Variants in XKR6 observed in about 807,000 individuals in gnomAD.
XKR6 encodes the protein XK-related protein 6.
XKR6 carries 22 observed loss-of-function variants against 56.7 expected under a neutral mutation model. The observed-to-expected ratio is 0.39, with a 90% CI of 0.28 to 0.55. XKR6 has a LOEUF of 0.55. XKR6 is among the 20% of genes least tolerant of loss of function. The probability of loss-of-function intolerance (pLI) is 0.66; values close to 1 mark genes in which losing one functional copy is unlikely to be tolerated. For missense variants in XKR6, 852 were observed against 889.0 expected (o/e 0.96, Z 0.53); for synonymous variants, 524 against 387.8 (o/e 1.35, Z -4.13).
chr8:10,957,392 C>T (rs1036945693), intron 1 of XKR6, among the ~76,000 whole-genome samples: 1 of 152,160 alleles, frequency 6.6e-6, no homozygotes, highest in Non-Finnish European at 1.5e-5. Context: ...TTGGAACACC[C>T]CATTCCCTTC....
At chr8:11,077,747 G>A (rs778094060) in intron 1 of XKR6, among the ~76,000 whole-genome samples, 2 of 152,206 alleles carry the variant, frequency 1.3e-5, no homozygotes, top group South Asian at 2.1e-4. Flanking sequence ...CTTCCCAGCT[G>A]CAAGAATGCA....
At chr8:10,915,742 C>G (rs942910969) in intron 2 of XKR6, among the ~76,000 whole-genome samples, 2 of 152,176 alleles carry the variant, frequency 1.3e-5, no homozygotes, top group African/African-American at 4.8e-5. Flanking sequence ...CAAGCAGATT[C>G]CAAATGGCAT....
At position 11,201,343 on chromosome 8, in the gene XKR6, G is replaced by T; in HGVS notation, c.-4C>A. The T allele has an allele frequency of 7.7e-7, 1 of 1,293,958 alleles. No individual in the cohort carries two copies. The highest frequency in any genetic ancestry group is 1.0e-6 in the Non-Finnish European group (1 of 985,484). The allele number at this position is 1,293,958 out of a possible 1,614,324, so 80.2% of individuals were successfully genotyped here. A position where few individuals can be genotyped will look rare whatever the true frequency, so the allele number is the denominator to read the frequency against. ...CGCCATCGGATTTCGCCGCCATCTT[G>T]ACTCTCTTCCCAGCTCCGGAGGTTG... On this transcript the variant is annotated 5_prime_UTR_variant, in exon 1 of 3. Transcript: ENST00000416569.
chr8:10,905,386 C>T (rs1409719019), intron 2 of XKR6, among the ~76,000 whole-genome samples: 2 of 152,188 alleles, frequency 1.3e-5, no homozygotes, highest in East Asian at 3.8e-4. Context: ...AGCTGTTCCC[C>T]AGTTCTCTTC....
chr8:11,063,518 A>C (rs908722457), intron 1 of XKR6, among the ~76,000 whole-genome samples: 3 of 88,554 alleles, frequency 3.4e-5, no homozygotes, highest in African/African-American at 1.0e-4. Flanking sequence ...CCCTGTCTCA[A>C]AAAAAAAAAA....
At chr8:11,000,246 G>T (rs1276722475) in intron 1 of XKR6, among the ~76,000 whole-genome samples, 1 of 152,192 alleles carries the variant, frequency 6.6e-6, no homozygotes, top group East Asian at 1.9e-4. Flanking sequence ...AAGGCAACAG[G>T]ACAGGAGAGC....
At chr8:11,139,014 T>C (rs961275859) in intron 1 of XKR6, among the ~76,000 whole-genome samples, 4 of 152,092 alleles carry the variant, frequency 2.6e-5, no homozygotes, top group Non-Finnish European at 1.5e-5. Flanking sequence ...TTCTGGATAA[T>C]TTTCAGTAAC....
intron 1 of XKR6, among the ~76,000 whole-genome samples, chr8:10,938,198 A>T: frequency 6.6e-6 from 1 of 152,186 alleles, no homozygotes; most frequent in Non-Finnish European, 1.5e-5. Flanking sequence ...TTTGACTCGG[A>T]AAGGGAACTC....
chr8:10,970,084 T>C (rs891705517), intron 1 of XKR6, among the ~76,000 whole-genome samples: 5 of 152,200 alleles, frequency 3.3e-5, no homozygotes, highest in Non-Finnish European at 5.9e-5. Context: ...GGCTGTCACC[T>C]CTCGCAGGAG....
chr8:11,104,133 G>C (rs1798587083), intron 1 of XKR6, among the ~76,000 whole-genome samples: 2 of 152,282 alleles, frequency 1.3e-5, no homozygotes, highest in South Asian at 4.1e-4. Flanking sequence ...GGCCTCCTAA[G>C]AAAACGTCTC....
At chr8:10,989,720 C>G (rs1797944736) in intron 1 of XKR6, among the ~76,000 whole-genome samples, 1 of 152,186 alleles carries the variant, frequency 6.6e-6, no homozygotes, top group Non-Finnish European at 1.5e-5. Flanking sequence ...TAGTATAGTG[C>G]CTATCACATA....
At position 10,912,470 on chromosome 8, in the gene XKR6, G is replaced by T. The variant is rs202017775; in HGVS notation, c.961+12164C>A. On this transcript the variant is annotated intron_variant, in intron 2 of 2. Coordinates refer to ENST00000416569, the MANE Select transcript of XKR6 (RefSeq NM_173683.4). Reference sequence around the variant, plus strand: ...GTGTATATATATATATATATATAGAGAGAGAGAGAGAGAGAGAGACAGGGT... The same window carrying T: ...GTGTATATATATATATATATATAGATAGAGAGAGAGAGAGAGAGACAGGGT... 3.3e-3 allele frequency among the ~76,000 whole-genome samples: 404 copies of T among 120,768 alleles called. 1 individual carries two copies. The highest frequency in any genetic ancestry group is 0.011 in the African/African-American group (253 of 22,604). 79.2% of individuals were successfully genotyped at this position (120,768 alleles called of 152,430 possible). A position where few individuals can be genotyped will look rare whatever the true frequency, so the allele number is the denominator to read the frequency against.
intron 1 of XKR6, among the ~76,000 whole-genome samples, chr8:10,979,396 G>T (rs1797673481): frequency 6.6e-6 from 1 of 152,040 alleles, no homozygotes; most frequent in Admixed American, 6.5e-5. Context: ...GCCCCAGGCA[G>T]CCAGCACGTT....
At chr8:11,004,814 T>C (rs1463223880) in intron 1 of XKR6, among the ~76,000 whole-genome samples, 1 of 152,222 alleles carries the variant, frequency 6.6e-6, no homozygotes, top group Non-Finnish European at 1.5e-5. Flanking sequence ...AATGAATGGA[T>C]AAACGTGTAG....
intron 2 of XKR6, among the ~76,000 whole-genome samples, chr8:10,916,419 C>G (rs1800565264): frequency 1.3e-5 from 2 of 152,188 alleles, no homozygotes; most frequent in Admixed American, 6.5e-5. Flanking sequence ...GAGACGGTGA[C>G]AGCTAATGTC....
intron 1 of XKR6, among the ~76,000 whole-genome samples, chr8:11,064,584 A>T (rs1236555176): frequency 6.6e-6 from 1 of 152,266 alleles, no homozygotes; most frequent in Non-Finnish European, 1.5e-5. Flanking sequence ...ATTTTCTGCC[A>T]TCTGTCAAAT....
At chr8:11,147,855 T>G (rs1801069757) in intron 1 of XKR6, among the ~76,000 whole-genome samples, 1 of 152,162 alleles carries the variant, frequency 6.6e-6, no homozygotes, top group African/African-American at 2.4e-5. Flanking sequence ...TAGGAAGGCC[T>G]AATTCCCAGT....
At chr8:10,902,799 T>C (rs1051693846) in intron 2 of XKR6, among the ~76,000 whole-genome samples, 4 of 152,230 alleles carry the variant, frequency 2.6e-5, no homozygotes, top group African/African-American at 9.6e-5. Flanking sequence ...CTGATGTGCC[T>C]GCCCCTCTCT....
intron 1 of XKR6, among the ~76,000 whole-genome samples, chr8:10,995,964 G>T (rs568315120): frequency 2.6e-5 from 4 of 152,256 alleles, no homozygotes; most frequent in East Asian, 1.9e-4. Context: ...GCCACCTCTT[G>T]TTGGGCCTCC....
Sources: allele counts gnomAD v4.1 joint callset (sites outside exome capture counted in the v4.1 genomes callset), GRCh38; gene constraint gnomAD v4.1.1; transcripts MANE v1.5; gene names NCBI Gene and HGNC (gene_info 2026-07-23, HGNC 2026-07-21).